Variants in CDC42BPB observed in about 807,000 individuals in gnomAD.
CDC42BPB encodes the protein serine/threonine-protein kinase MRCK beta.
A neutral mutation model predicts 214.9 loss-of-function variants in CDC42BPB; 37 were observed. The ratio of observed to expected loss-of-function variants is 0.17; its 90% CI spans 0.13 to 0.23. The LOEUF is 0.23. Among genes scored for constraint, CDC42BPB ranks in the 10% least tolerant of loss-of-function variants. The pLI is 1.00. For missense variants in CDC42BPB, 1,694 were observed against 2,227.0 expected, an observed-to-expected ratio of 0.76 and a Z score of 4.82; for synonymous variants, 931 against 884.0, an observed-to-expected ratio of 1.05 and a Z score of -0.94.
At chr14:103,003,462 G>A (rs1020042428) in intron 4 of CDC42BPB, among the ~76,000 whole-genome samples, 2 of 152,192 alleles carry the variant, frequency 1.3e-5, no homozygotes, top group African/African-American at 2.4e-5. Flanking sequence ...GCAGCGTGGA[G>A]ACTAAGAGTC....
At chr14:102,981,947 C>A (rs776024555) in intron 7 of CDC42BPB, among the ~76,000 whole-genome samples, 2 of 152,214 alleles carry the variant, frequency 1.3e-5, no homozygotes, top group African/African-American at 2.4e-5. Context: ...AGGCCACACA[C>A]CCTCATGGTA....
intron 7 of CDC42BPB, 115 bp from the exon 8 acceptor site, chr14:102,981,136 T>G (rs559977464): frequency 6.6e-7 from 1 of 1,514,442 alleles, no homozygotes; most frequent in South Asian, 1.3e-5. Context: ...GGTCACTTCA[T>G]GGGAACTAAA....
In CDC42BPB at chr14:103,042,473, G is replaced by A. The variant is rs1888059971; in HGVS notation, c.175+14526C>T. ...CTACAGGCGCCTGCCACCATGCCTG[G>A]ATAATTTTTTGTATTTTTAGTAGAG... On this transcript the variant is annotated intron_variant, in intron 1 of 36. Transcript: ENST00000361246. Among the ~76,000 whole-genome samples the A allele has an allele frequency of 2.0e-5, 3 of 152,130 alleles. No homozygotes were observed. In the South Asian group the frequency reaches 6.2e-4, roughly 32 times the overall value.
In CDC42BPB at chr14:102,942,905, G is replaced by T. The variant is rs144479230; in HGVS notation, c.4408+986C>A. Among the ~76,000 whole-genome samples, 1,240 of 152,226 alleles carry T rather than the reference G, an allele frequency of 8.1e-3. 18 individuals carry two copies. Among genetic ancestry groups the T allele is most frequent in the African/African-American group, 0.029 (1,194 of 41,522 alleles). On this transcript the variant is annotated intron_variant, in intron 30 of 36. Transcript: ENST00000361246. ...TTTGTTTAAGACGGAGTCTCGCTCT[G>T]TTGTCCAGGCTAGAGTGCAGTGGTG...
intron 1 of CDC42BPB, among the ~76,000 whole-genome samples, chr14:103,045,093 GT>G (rs1888219352): frequency 6.6e-6 from 1 of 151,798 alleles, no homozygotes; most frequent in Non-Finnish European, 1.5e-5. Flanking sequence ...CGGCTCACCA[GT>G]TTTTTAAACA....
chr14:102,960,678 G>C (rs1054740872), intron 20 of CDC42BPB, among the ~76,000 whole-genome samples: 1 of 152,146 alleles, frequency 6.6e-6, no homozygotes, highest in African/African-American at 2.4e-5. Context: ...TGGAACAGGG[G>C]AGAAGATCCA....
At chr14:102,970,848 C>CA (rs1893441797) in intron 13 of CDC42BPB, among the ~76,000 whole-genome samples, 1 of 152,206 alleles carries the variant, frequency 6.6e-6, no homozygotes, top group Admixed American at 6.5e-5. Flanking sequence ...AAGAAGAAAA[C>CA]AAACAGGTCC....
chr14:102,947,934 C>T, intron 26 of CDC42BPB, 132 bp from the exon 27 acceptor site: 4 of 1,518,854 alleles, frequency 2.6e-6, no homozygotes, highest in Non-Finnish European at 3.5e-6. Context: ...GGGTCCCTCG[C>T]CTCCCCAGAT....
At chr14:102,988,871 C>CAAAAAAAAA (rs34126680) in intron 5 of CDC42BPB, among the ~76,000 whole-genome samples, 5 of 116,784 alleles carry the variant, frequency 4.3e-5, no homozygotes, top group Non-Finnish European at 5.3e-5. Context: ...CCCCCCCTTC[C>CAAAAAAAAA]AAAAAAAAAA....
In CDC42BPB at chr14:103,003,939, C is replaced by T. The variant is rs768111592; in HGVS notation, c.436G>A (p.Glu146Lys). The change falls in exon 4 of 37, where the codon GAG (glutamate) becomes AAG (lysine). Residue 146 changes from glutamate to lysine, a missense_variant. Physicochemically the swap from Glu to Lys is moderately conservative, Grantham distance 56. Around this residue, in one of 7 missense-constraint regions of CDC42BPB, gnomAD observed 225 missense variants for 459.3 expected, o/e 0.49. Coordinates refer to ENST00000361246, the MANE Select transcript of CDC42BPB (RefSeq NM_006035.4). ...GCTGTGCGACCTACCAGGTGGTTCT[C>T]GTCCTGAAAGGCGTAGTGCAGCGCG... ...ITALHYAFQDENHLYLVMDYY... is the reference protein window; with the variant it reads ...ITALHYAFQDKNHLYLVMDYY... The T allele has an allele frequency of 3.1e-6, 5 of 1,609,480 alleles. No individual in the cohort carries two copies. Among genetic ancestry groups the T allele is most frequent in the Non-Finnish European group, 4.2e-6 (5 of 1,176,868 alleles).
intron 1 of CDC42BPB, among the ~76,000 whole-genome samples, chr14:103,016,882 T>C (rs1293442650): frequency 6.6e-6 from 1 of 152,118 alleles, no homozygotes; most frequent in Admixed American, 6.5e-5. Context: ...CCATGGTCTC[T>C]AAAGACCATT....
chr14:103,048,532 CAAA>C (rs71119751), intron 1 of CDC42BPB, among the ~76,000 whole-genome samples: 69 of 42,656 alleles, frequency 1.6e-3, no homozygotes, highest in African/African-American at 5.8e-3. Flanking sequence ...ACTAAAAATA[CAAA>C]AAAAAAAAAA....
At position 103,004,110 on chromosome 14, in the gene CDC42BPB, A is replaced by G; in HGVS notation, c.352-87T>C. ...CCGGTCTCGGGGTCCCTCCTGGGAC[A>G]GTGGCTCCAGCCACGGTGTCCCTGC... On this transcript the variant is annotated intron_variant, in intron 3 of 36. Coordinates refer to ENST00000361246, the MANE Select transcript of CDC42BPB (RefSeq NM_006035.4). The surrounding 1 kb of genome is among the most constrained non-coding windows in gnomAD (Gnocchi z 5.3). 1 of 1,440,540 alleles carries G rather than the reference A, an allele frequency of 6.9e-7. No homozygotes were observed. Among genetic ancestry groups the G allele is most frequent in the East Asian group, 2.7e-5 (1 of 37,604 alleles). 89.2% of individuals were successfully genotyped at this position (1,440,540 alleles called of 1,614,324 possible).
At chr14:103,011,004 T>G (rs1227808877) in intron 2 of CDC42BPB, among the ~76,000 whole-genome samples, 1 of 152,228 alleles carries the variant, frequency 6.6e-6, no homozygotes, top group Admixed American at 6.5e-5. Context: ...CACTCCAGCC[T>G]GGGTGACACA....
chr14:102,934,744 G>A (rs191140280), intron 36 of CDC42BPB, among the ~76,000 whole-genome samples: 84 of 152,084 alleles, frequency 5.5e-4, no homozygotes, highest in East Asian at 1.9e-4. Flanking sequence ...GGGTGCGGTG[G>A]CTCACACCTG....
In CDC42BPB at chr14:103,004,257, G is replaced by A. The variant is rs1895132192; in HGVS notation, c.352-234C>T. ...GCTGAGGAGGCACTTGCACCCTGCT[G>A]TCCCACGGGCACCATTTCTGTGGCT... On this transcript the variant is annotated intron_variant, in intron 3 of 36. Transcript: ENST00000361246. The surrounding 1 kb of genome is among the most constrained non-coding windows in gnomAD (Gnocchi z 5.3). The A allele has an allele frequency of 9.2e-7, 1 of 1,083,150 alleles. No individual in the cohort carries two copies. The highest frequency in any genetic ancestry group is 4.3e-5 in the Admixed American group (1 of 23,360). 67.1% of individuals were successfully genotyped at this position (1,083,150 alleles called of 1,614,324 possible). A position where few individuals can be genotyped will look rare whatever the true frequency, so the allele number is the denominator to read the frequency against.
At chr14:103,031,003 T>G (rs1000057670) in intron 1 of CDC42BPB, among the ~76,000 whole-genome samples, 1 of 152,146 alleles carries the variant, frequency 6.6e-6, no homozygotes, top group South Asian at 2.1e-4. Context: ...CACACAAAAG[T>G]GTTCAGATTG....
At chr14:102,940,151 G>A in intron 31 of CDC42BPB, 21 bp from the exon 32 acceptor site, 1 of 1,614,070 alleles carries the variant, frequency 6.2e-7, no homozygotes, top group African/African-American at 1.3e-5. Flanking sequence ...AACCAGGGAG[G>A]GACAGTAAGC....
At chr14:103,015,176 G>A (rs1886388174) in intron 1 of CDC42BPB, among the ~76,000 whole-genome samples, 1 of 152,248 alleles carries the variant, frequency 6.6e-6, no homozygotes, top group Non-Finnish European at 1.5e-5. Flanking sequence ...CAAAGCAGCA[G>A]GGGACCTGTG....
Sources: gnomAD v4.1 joint callset for allele counts (sites outside exome capture counted in the v4.1 genomes callset) on GRCh38, gnomAD v4.1.1 for gene constraint, gnomAD v4.1.1 regional missense constraint, Gnocchi (gnomAD v3.1) non-coding constraint, MANE v1.5 for transcripts, NCBI Gene and HGNC (gene_info 2026-07-23, HGNC 2026-07-21) for gene names.